The following TINAGL1 variants were observed in gnomAD, a reference collection of about 807,000 sequenced individuals.
TINAGL1 encodes tubulointerstitial nephritis antigen-like.
In TINAGL1, 34 loss-of-function variants were observed where a neutral mutation model predicts 62.0. That is an observed-to-expected ratio of 0.55 (90% confidence interval 0.42 to 0.73). TINAGL1 has a LOEUF of 0.73. Among genes scored for constraint, TINAGL1 ranks in the 30% least tolerant of loss-of-function variants. TINAGL1 has a pLI of 0.00. For synonymous variants in TINAGL1, 221 were observed against 249.7 expected (o/e 0.88, Z 1.08); for missense variants, 516 against 653.2 (o/e 0.79, Z 2.29).
Position 31,577,267 on chromosome 1 carries a change from TC to T in TINAGL1, c.121del (p.Arg41GlyfsTer106). On this transcript the variant is annotated frameshift_variant, in exon 2 of 12. Transcript: ENST00000271064. LOFTEE classifies it high-confidence loss of function. This position sits in a 1 kb window ranked among gnomAD's most constrained non-coding sequence, Gnocchi z 5.4. ...ELAPGLHLRGIRDAGGRYCQE... is the reference protein window; with the variant it reads ...ELAPGLHLRGXRDAGGRYCQE... ...GCACCGGGTCTGCACCTGCGGGGCA[TC>T]CGGGACGCGGGAGGCCGGTACTGCC... 6.2e-7 allele frequency: 1 copy of T among 1,611,806 alleles called. No individual in the cohort carries two copies. The highest frequency in any genetic ancestry group is 8.5e-7 in the Non-Finnish European group (1 of 1,179,406).
In TINAGL1 at chr1:31,577,225, G is replaced by T; in HGVS notation, c.77G>T (p.Arg26Leu). 1 of 1,604,638 alleles carries T rather than the reference G, an allele frequency of 6.2e-7. No individual in the cohort carries two copies. Among genetic ancestry groups the T allele is most frequent in the Non-Finnish European group, 8.5e-7 (1 of 1,176,774 alleles). The change falls in exon 2 of 12, where the codon CGT (arginine) becomes CTT (leucine). Residue 26 changes from arginine (R) to leucine (L), a missense_variant. Coordinates refer to ENST00000271064, the MANE Select transcript of TINAGL1 (RefSeq NM_022164.3). The surrounding 1 kb of genome is among the most constrained non-coding windows in gnomAD (Gnocchi z 5.4). The part of the protein sequence containing the change: ...GHLALGAQQG[R>L]GRRELAPGLH... ...TTGGCTCTGGGTGCCCAGCAGGGTCGTGGGCGCCGGGAGCTAGCACCGGGT... is the reference window on the plus strand; with the variant it reads ...TTGGCTCTGGGTGCCCAGCAGGGTCTTGGGCGCCGGGAGCTAGCACCGGGT...
rs928863616 is a variant in TINAGL1 at position 31,587,683 on chromosome 1, A to G, written c.*704A>G. 6.6e-6 allele frequency: 1 copy of G among 152,234 alleles called. No homozygotes were observed. Among genetic ancestry groups the G allele is most frequent in the Non-Finnish European group, 1.5e-5 (1 of 68,052 alleles). 9.4% of individuals were successfully genotyped at this position (152,234 alleles called of 1,614,324 possible). A position where few individuals can be genotyped will look rare whatever the true frequency, so the allele number is the denominator to read the frequency against. ...GTTTTAAAATAAAACCAAAGTATTG[A>G]TAACTACAGTGTCTTGGAACCTCTG... On this transcript the variant is annotated 3_prime_UTR_variant, in exon 12 of 12. Transcript: ENST00000271064.
intron 2 of TINAGL1, among the ~76,000 whole-genome samples, chr1:31,578,342 A>T: frequency 8.0e-6 from 1 of 124,878 alleles, no homozygotes; most frequent in Non-Finnish European, 1.6e-5. Context: ...TGATATCTTC[A>T]GTTATAGTTT....
intron 2 of TINAGL1, among the ~76,000 whole-genome samples, chr1:31,579,001 TG>T (rs1262420443): frequency 3.7e-3 from 236 of 63,264 alleles, no homozygotes; most frequent in Middle Eastern, 0.021. Flanking sequence ...TGACAGCTGG[TG>T]TGTGTGTGTG....
Position 31,577,250 on chromosome 1 carries a change from T to G in TINAGL1, c.102T>G (p.Gly34=). The part of the protein sequence containing the change: ...QGRGRRELAP[G]LHLRGIRDAG... ...GTGGGCGCCGGGAGCTAGCACCGGGTCTGCACCTGCGGGGCATCCGGGACG... is the reference window on the plus strand; with the variant it reads ...GTGGGCGCCGGGAGCTAGCACCGGGGCTGCACCTGCGGGGCATCCGGGACG... The change falls in exon 2 of 12, where the codon GGT becomes GGG. Residue 34 remains glycine, a synonymous_variant. Transcript: ENST00000271064. This position sits in a 1 kb window ranked among gnomAD's most constrained non-coding sequence, Gnocchi z 5.4. 1 of 1,610,400 alleles carries G rather than the reference T, an allele frequency of 6.2e-7. No individual in the cohort carries two copies. The highest frequency in any genetic ancestry group is 1.1e-5 in the South Asian group (1 of 90,952).
chr1:31,585,365 G>T lies in TINAGL1; in HGVS notation c.1047+25G>T. 1 of 1,603,916 alleles carries T rather than the reference G, an allele frequency of 6.2e-7. No homozygotes were observed. Among genetic ancestry groups the T allele is most frequent in the Non-Finnish European group, 8.5e-7 (1 of 1,173,624 alleles). On this transcript the variant is annotated intron_variant, in intron 8 of 11. Coordinates refer to ENST00000271064, the MANE Select transcript of TINAGL1 (RefSeq NM_022164.3). This position sits in a 1 kb window ranked among gnomAD's most constrained non-coding sequence, Gnocchi z 4.3. ...CGTAAGTCAGCACTTGGGTGAGGGC[G>T]CCGAGGCAGGAGGGTTGTGAAAGCC...
chr1:31,579,301 G>A, intron 3 of TINAGL1, 34 bp downstream of exon 3: 1 of 1,591,768 alleles, frequency 6.3e-7, no homozygotes, highest in East Asian at 2.2e-5. Flanking sequence ...GTCTTGCTTT[G>A]TGAGCCTGTG....
At position 31,586,863 on chromosome 1, in the gene TINAGL1, G is replaced by T. The variant is rs1240022550; in HGVS notation, c.1288G>T (p.Ala430Ser). 1 of 1,551,112 alleles carries T rather than the reference G, an allele frequency of 6.4e-7. No homozygotes were observed. The highest frequency in any genetic ancestry group is 8.7e-7 in the Non-Finnish European group (1 of 1,146,812). The change falls in exon 12 of 12, where the codon GCC becomes TCC. Residue 430 changes from alanine (A) to serine (S), a missense_variant. Ala to Ser is a moderately conservative substitution (Grantham distance 99). Coordinates refer to ENST00000271064, the MANE Select transcript of TINAGL1 (RefSeq NM_022164.3). ...YWTAANSWGP[A>S]WGERGHFRIV... The stretch of plus-strand genomic sequence containing the variant: ...GACTGCGGCCAACTCCTGGGGCCCA[G>T]CCTGGGGCGAGAGGGGCCACTTCCG...
In TINAGL1 at chr1:31,585,363, G is replaced by A; in HGVS notation, c.1047+23G>A. On this transcript the variant is annotated intron_variant, in intron 8 of 11. Transcript: ENST00000271064. The surrounding 1 kb of genome is among the most constrained non-coding windows in gnomAD (Gnocchi z 4.3). ...AACGTAAGTCAGCACTTGGGTGAGG[G>A]CGCCGAGGCAGGAGGGTTGTGAAAG... 1.2e-6 allele frequency: 2 copies of A among 1,604,272 alleles called. No individual in the cohort carries two copies. Among genetic ancestry groups the A allele is most frequent in the Non-Finnish European group, 1.7e-6 (2 of 1,173,890 alleles).
chr1:31,581,989 A>G (rs995783754), intron 3 of TINAGL1, among the ~76,000 whole-genome samples: 9 of 152,190 alleles, frequency 5.9e-5, no homozygotes, highest in Non-Finnish European at 1.2e-4. Context: ...AATACCAAAC[A>G]ATACCTGCCC....
chr1:31,586,629 G>A (rs1639398195), intron 10 of TINAGL1, 81 bp from the exon 11 acceptor site: 20 of 1,527,686 alleles, frequency 1.3e-5, no homozygotes, highest in Non-Finnish European at 1.7e-5. Context: ...ACTGGGGGCT[G>A]GATGGGGCAG....
rs1557557861 is a variant in TINAGL1, at chr1:31,580,199, C to CTCTCTCTCTCTCTCTG, written c.374+945_374+946insCTGTCTCTCTCTCTCT. 1,541 of 445,744 alleles carry CTCTCTCTCTCTCTCTG rather than the reference C, an allele frequency of 3.5e-3. 12 individuals carry two copies. The highest frequency in any genetic ancestry group is 0.011 in the Admixed American group (115 of 10,634). 27.6% of individuals were successfully genotyped at this position (445,744 alleles called of 1,614,324 possible). A position where few individuals can be genotyped will look rare whatever the true frequency, so the allele number is the denominator to read the frequency against. On this transcript the variant is annotated intron_variant, in intron 3 of 11. Coordinates refer to ENST00000271064, the MANE Select transcript of TINAGL1 (RefSeq NM_022164.3). The stretch of plus-strand genomic sequence containing the variant: ...TCTCTCTCTCTCTCTCTCTCTCTCT[C>CTCTCTCTCTCTCTCTG]TCTCTCTCTCTCTGTCTCTCTCTCT...
chr1:31,584,946 C>G lies in TINAGL1; in HGVS notation c.767C>G (p.Pro256Arg). The G allele has an allele frequency of 1.2e-6, 2 of 1,612,172 alleles. No homozygotes were observed. The highest frequency in any genetic ancestry group is 1.7e-6 in the Non-Finnish European group (2 of 1,178,352). The change falls in exon 7 of 12, where the codon CCC (proline) becomes CGC (arginine). Residue 256 changes from proline to arginine, a missense_variant. Physicochemically the swap from Pro to Arg is moderately radical, Grantham distance 103. Transcript: ENST00000271064. The surrounding 1 kb of genome is among the most constrained non-coding windows in gnomAD (Gnocchi z 4.0). ...SLGHMTPVLS[P>R]QNLLSCDTHQ... ...GGACACATGACGCCTGTCCTGTCGC[C>G]CCAGAACCTGCTGTCTTGTGACACC...
chr1:31,580,213 GTCTC>G (rs371006138), intron 3 of TINAGL1: 8,975 of 558,894 alleles, frequency 0.016, 359 homozygotes, highest in East Asian at 0.083. Flanking sequence ...CTCTCTCTCT[GTCTC>G]TCTCTCTCTG....
Position 31,587,258 on chromosome 1 carries a change from C to A in TINAGL1, c.*279C>A. The A allele has an allele frequency of 3.0e-6, 1 of 328,664 alleles. No individual in the cohort carries two copies. Among genetic ancestry groups the A allele is most frequent in the Non-Finnish European group, 5.4e-6 (1 of 185,526 alleles). 20.4% of individuals were successfully genotyped at this position (328,664 alleles called of 1,614,324 possible). Reference sequence around the variant, plus strand: ...ATCCCAGGCCTCTGGCGCCCCCACTCAAGACTACCAAAGCCAGGACACCTC... The same window carrying A: ...ATCCCAGGCCTCTGGCGCCCCCACTAAAGACTACCAAAGCCAGGACACCTC... On this transcript the variant is annotated 3_prime_UTR_variant, in exon 12 of 12. Coordinates refer to ENST00000271064, the MANE Select transcript of TINAGL1 (RefSeq NM_022164.3).
At chr1:31,578,942 TATGTG>T (rs370990270) in intron 2 of TINAGL1, among the ~76,000 whole-genome samples, 79,689 of 83,860 alleles carry the variant, frequency 0.95, 38,942 homozygotes, top group Non-Finnish European at 0.98. Context: ...TGAGAGCTGG[TATGTG>T]TGTGTGTGTG....
intron 3 of TINAGL1, chr1:31,580,348 C>G: frequency 1.6e-6 from 2 of 1,286,088 alleles, no homozygotes; most frequent in Non-Finnish European, 2.0e-6. Flanking sequence ...TGTGGGCAGC[C>G]CTGGGGGCAA....
intron 11 of TINAGL1, 31 bp downstream of exon 11, chr1:31,586,786 C>T: frequency 6.5e-7 from 1 of 1,550,026 alleles, no homozygotes. Context: ...CCCGCCCCCT[C>T]TTCCCCTCGC....
At position 31,583,352 on chromosome 1, in the gene TINAGL1, G is replaced by T; in HGVS notation, c.468-109G>T. 6.9e-7 allele frequency: 1 copy of T among 1,459,460 alleles called. No homozygotes were observed. 90.4% of individuals were successfully genotyped at this position (1,459,460 alleles called of 1,614,324 possible). On this transcript the variant is annotated intron_variant, in intron 4 of 11. Transcript: ENST00000271064. The surrounding 1 kb of genome is among the most constrained non-coding windows in gnomAD (Gnocchi z 4.4). ...GCAGGCCACTCCTACACCCAGATTT[G>T]ACTGTGTGTGCGCTCAGCCACTGTG...
Sources: allele counts gnomAD v4.1 joint callset (sites outside exome capture counted in the v4.1 genomes callset), GRCh38; gene constraint gnomAD v4.1.1; non-coding constraint Gnocchi (gnomAD v3.1); transcripts MANE v1.5; gene names NCBI Gene and HGNC (gene_info 2026-07-23, HGNC 2026-07-21).